Variants in FRMD4B observed in about 807,000 individuals in gnomAD.
FRMD4B encodes the protein FERM domain-containing protein 4B.
A neutral mutation model predicts 141.5 loss-of-function variants in FRMD4B; 74 were observed. The ratio of observed to expected loss-of-function variants is 0.52; its 90% CI spans 0.43 to 0.63. FRMD4B has a LOEUF of 0.63. FRMD4B is among the 30% of genes least tolerant of loss of function. The pLI, the probability that FRMD4B is intolerant of heterozygous loss-of-function variation, is 0.00. For synonymous variants in FRMD4B, 506 were observed against 467.9 expected (o/e 1.08, Z -1.05); for missense variants, 1,366 against 1,253.4 (o/e 1.09, Z -1.36).
At chr3:69,335,364 ATTATTGCAT>A (rs1258673289) in intron 1 of FRMD4B, among the ~76,000 whole-genome samples, 12 of 131,984 alleles carry the variant, frequency 9.1e-5, no homozygotes, top group African/African-American at 3.3e-4. Flanking sequence ...TTTTTTTTTC[ATTATTGCAT>A]TTTTTTTTTT....
Position 69,181,496 on chromosome 3 carries a change from T to C in FRMD4B, c.2254A>G (p.Thr752Ala). The C allele has an allele frequency of 6.2e-7, 1 of 1,613,798 alleles. No homozygotes were observed. Among genetic ancestry groups the C allele is most frequent in the South Asian group, 1.1e-5 (1 of 91,076 alleles). Reference protein sequence around the residue: ...CVTPVTGPYYTTQTLDTRTRG... With the variant: ...CVTPVTGPYYATQTLDTRTRG... ...GTGCGAGTGTCCAGGGTCTGGGTGG[T>C]GTAATAGGGGCCGGTAACTGGTGTC... The change falls in exon 21 of 23, where the codon ACC becomes GCC. Residue 752 changes from threonine to alanine, a missense_variant. By Grantham distance (58) the Thr-to-Ala change is moderately conservative. Coordinates refer to ENST00000398540, the MANE Select transcript of FRMD4B (RefSeq NM_015123.3).
chr3:69,204,897 G>C (rs2093007965), intron 11 of FRMD4B, among the ~76,000 whole-genome samples: 1 of 152,096 alleles, frequency 6.6e-6, no homozygotes, highest in African/African-American at 2.4e-5. Context: ...CTGAGGCTCA[G>C]AGAGGTTAAA....
At chr3:69,411,689 TAGTG>T (rs1309831540) in intron 2 of FRMD4B, among the ~76,000 whole-genome samples, 1 of 152,228 alleles carries the variant, frequency 6.6e-6, no homozygotes, top group Non-Finnish European at 1.5e-5. Flanking sequence ...TCGAATAAAG[TAGTG>T]AGTAATTTAC....
intron 1 of FRMD4B, chr3:69,535,973 G>C: frequency 2.6e-6 from 1 of 382,386 alleles, no homozygotes; most frequent in African/African-American, 2.1e-5. Context: ...GGCTGCTCCT[G>C]CTGCCTCGGG....
chr3:69,325,123 AAGAAAAG>A (rs1702151707), intron 1 of FRMD4B, among the ~76,000 whole-genome samples: 1 of 151,918 alleles, frequency 6.6e-6, no homozygotes, highest in Non-Finnish European at 1.5e-5. Context: ...GAAAGAAAGA[AAGAAAAG>A]AAATTAATTG....
At chr3:69,242,103 T>C (rs2093388967) in intron 7 of FRMD4B, among the ~76,000 whole-genome samples, 1 of 152,124 alleles carries the variant, frequency 6.6e-6, no homozygotes, top group Non-Finnish European at 1.5e-5. Context: ...TTAATAATAG[T>C]AACGATGGCA....
In FRMD4B at chr3:69,250,047, A is replaced by G. The variant is rs377001238; in HGVS notation, c.554T>C (p.Leu185Ser). ...ETIFKLAAFI[L>S]QEAKGDYTSD... ...AGGCAGTTTGTCCAATCTTACCTGTAAAATAAACGCTGCTAACTTGAAGAT... is the reference window on the plus strand; with the variant it reads ...AGGCAGTTTGTCCAATCTTACCTGTGAAATAAACGCTGCTAACTTGAAGAT... The change falls in exon 6 of 23, where the codon TTA becomes TCA. Residue 185 changes from leucine (L) to serine (S), a missense_variant. Transcript: ENST00000398540. 2.4e-5 allele frequency: 39 copies of G among 1,605,822 alleles called. No individual in the cohort carries two copies. Among genetic ancestry groups the G allele is most frequent in the Non-Finnish European group, 1.3e-5 (15 of 1,172,510 alleles).
chr3:69,316,500 TA>T (rs200299553), intron 1 of FRMD4B, among the ~76,000 whole-genome samples: 10,408 of 127,508 alleles, frequency 0.082, 1,053 homozygotes, highest in East Asian at 0.56. Flanking sequence ...AATGTCTAAC[TA>T]AAAAAAAAAA....
At chr3:69,172,343 T>C (rs940732512) in intron 22 of FRMD4B, among the ~76,000 whole-genome samples, 4 of 152,226 alleles carry the variant, frequency 2.6e-5, no homozygotes, top group Non-Finnish European at 4.4e-5. Context: ...TTTATTGAAC[T>C]ATAGGACATT....
At chr3:69,356,798 G>A (rs1703337648) in intron 1 of FRMD4B, among the ~76,000 whole-genome samples, 1 of 151,916 alleles carries the variant, frequency 6.6e-6, no homozygotes, top group Non-Finnish European at 1.5e-5. Flanking sequence ...GGGCTACCAG[G>A]AAACCTCATG....
At chr3:69,530,839 C>G (rs1215733883) in intron 1 of FRMD4B, among the ~76,000 whole-genome samples, 3 of 152,186 alleles carry the variant, frequency 2.0e-5, no homozygotes, top group Non-Finnish European at 2.9e-5. Context: ...ACCCAGAAAT[C>G]AGCAAAAATG....
intron 5 of FRMD4B, among the ~76,000 whole-genome samples, chr3:69,258,333 G>T (rs909621214): frequency 6.6e-6 from 1 of 152,030 alleles, no homozygotes; most frequent in Non-Finnish European, 1.5e-5. Flanking sequence ...TCAGTGTACA[G>T]CTCAATACAT....
chr3:69,267,617 A>G (rs1191325069), intron 5 of FRMD4B, among the ~76,000 whole-genome samples: 1 of 63,472 alleles, frequency 1.6e-5, no homozygotes, highest in East Asian at 4.0e-4. Context: ...ATATATATAT[A>G]TATATATATA....
chr3:69,296,005 T>C (rs1480831412), intron 4 of FRMD4B, among the ~76,000 whole-genome samples: 1 of 152,074 alleles, frequency 6.6e-6, no homozygotes, highest in African/African-American at 2.4e-5. Flanking sequence ...TTAGTAGAGA[T>C]GGGGTTTTGT....
intron 1 of FRMD4B, among the ~76,000 whole-genome samples, chr3:69,317,485 G>A (rs1033859636): frequency 2.6e-4 from 40 of 152,200 alleles, no homozygotes; most frequent in African/African-American, 8.4e-4. Flanking sequence ...AGTGGCTAGC[G>A]CCTGTAATCC....
intron 7 of FRMD4B, among the ~76,000 whole-genome samples, chr3:69,237,491 G>C (rs2093352723): frequency 6.6e-6 from 1 of 152,254 alleles, no homozygotes; most frequent in Admixed American, 6.5e-5. Flanking sequence ...GAGGTGGGAA[G>C]TTGTTGGCCC....
chr3:69,182,893 G>A (rs748010792), intron 19 of FRMD4B, among the ~76,000 whole-genome samples, 176 bp from the exon 20 acceptor site: 8 of 152,158 alleles, frequency 5.3e-5, no homozygotes, highest in African/African-American at 1.7e-4. Context: ...CTAAAACAGC[G>A]GGAGCACATA....
chr3:69,257,656 T>C (rs1199374390), intron 5 of FRMD4B, among the ~76,000 whole-genome samples: 1 of 152,108 alleles, frequency 6.6e-6, no homozygotes, highest in African/African-American at 2.4e-5. Flanking sequence ...TTTAATATGT[T>C]CAGGATTGGC....
intron 9 of FRMD4B, 123 bp downstream of exon 9, chr3:69,221,735 G>T: frequency 1.5e-6 from 1 of 665,246 alleles, no homozygotes; most frequent in Admixed American, 2.3e-5. Context: ...CTAATTCACA[G>T]TAAGATATTT....
Sources: allele counts gnomAD v4.1 joint callset (sites outside exome capture counted in the v4.1 genomes callset), GRCh38; gene constraint gnomAD v4.1.1; transcripts MANE v1.5; gene names NCBI Gene and HGNC (gene_info 2026-07-23, HGNC 2026-07-21).